PDE4D: variants seen among roughly 807,000 people sequenced by gnomAD.
PDE4D encodes the protein 3',5'-cyclic-AMP phosphodiesterase 4D.
PDE4D carries 24 observed loss-of-function variants against 87.4 expected under a neutral mutation model. That is an observed-to-expected ratio of 0.27 (90% confidence interval 0.20 to 0.39). The LOEUF (loss-of-function observed/expected upper bound fraction) is 0.39, where lower values mean the gene tolerates loss of function less well. Ranked by LOEUF, PDE4D falls within the 10% of genes least tolerant of loss-of-function variation. The pLI is 1.00. For synonymous variants in PDE4D, 384 were observed against 383.2 expected, an observed-to-expected ratio of 1.00 and a Z score of -0.02; for missense variants, 714 against 1,041.0, an observed-to-expected ratio of 0.69 and a Z score of 4.32.
chr5:60,448,887 T>TCCAAATAAATTTA (rs1745863784), intron 1 of PDE4D, among the ~76,000 whole-genome samples: 1 of 152,172 alleles, frequency 6.6e-6, no homozygotes, highest in South Asian at 2.1e-4. Flanking sequence ...TATTTATTTA[T>TCCAAATAAATTTA]GATCCAAATA....
rs145101379 is a variant in PDE4D, at chr5:59,724,928, T to C, written c.455+168240A>G. Among the ~76,000 whole-genome samples the C allele has an allele frequency of 2.3e-3, 352 of 152,262 alleles. 6 individuals carry two copies. Among genetic ancestry groups the C allele is most frequent in the African/African-American group, 8.1e-3 (335 of 41,558 alleles). ...AAAACCTAAGTCAAACATACTTTCA[T>C]TGAACCTGGCTCTGCTTTTCATTTA... On this transcript the variant is annotated intron_variant, in intron 1 of 14. Coordinates refer to ENST00000340635, the MANE Select transcript of PDE4D (RefSeq NM_001104631.2).
At chr5:59,367,737 ATAAC>A (rs1783300586) in intron 1 of PDE4D, among the ~76,000 whole-genome samples, 1 of 152,386 alleles carries the variant, frequency 6.6e-6, no homozygotes, top group East Asian at 1.9e-4. Context: ...TTGCAGAAGC[ATAAC>A]TAGAGAAGAC....
chr5:59,215,721 A>G (rs1751106903), intron 2 of PDE4D, 56 bp downstream of exon 2: 1 of 1,416,330 alleles, frequency 7.1e-7, no homozygotes, highest in Non-Finnish European at 1.0e-6. Context: ...TTATGTCATC[A>G]GCTCTAGATA....
chr5:59,642,324 A>C (rs953777168), intron 1 of PDE4D, among the ~76,000 whole-genome samples: 1 of 152,170 alleles, frequency 6.6e-6, no homozygotes, highest in African/African-American at 2.4e-5. Context: ...TAATAACAAT[A>C]TGTATATATT....
chr5:60,183,190 T>C (rs1784514748), intron 2 of PDE4D, among the ~76,000 whole-genome samples: 1 of 152,210 alleles, frequency 6.6e-6, no homozygotes, highest in South Asian at 2.1e-4. Context: ...TTGGTTGGCA[T>C]TTTGATCTTG....
intron 1 of PDE4D, among the ~76,000 whole-genome samples, chr5:59,708,836 T>A (rs572097872): frequency 6.6e-6 from 1 of 152,186 alleles, no homozygotes; most frequent in African/African-American, 2.4e-5. Context: ...CCACTTCTAC[T>A]TAGGACGTGA....
intron 3 of PDE4D, among the ~76,000 whole-genome samples, chr5:59,964,261 T>C (rs1759769396): frequency 6.6e-6 from 1 of 152,228 alleles, no homozygotes; most frequent in Non-Finnish European, 1.5e-5. Flanking sequence ...ATTATGAGAA[T>C]GAAAAGTTCA....
intron 1 of PDE4D, among the ~76,000 whole-genome samples, chr5:59,424,315 T>C (rs1368803538): frequency 6.6e-6 from 1 of 152,206 alleles, no homozygotes; most frequent in Non-Finnish European, 1.5e-5. Flanking sequence ...TGAAGTTTTG[T>C]TTAAAGTGAA....
At chr5:59,068,562 T>C (rs1764275721) in intron 5 of PDE4D, among the ~76,000 whole-genome samples, 1 of 152,096 alleles carries the variant, frequency 6.6e-6, no homozygotes, top group South Asian at 2.1e-4. Context: ...CAAATGAAAA[T>C]TTTAATCTTA....
intron 2 of PDE4D, among the ~76,000 whole-genome samples, chr5:60,103,639 AT>A (rs1420766571): frequency 2.0e-5 from 3 of 152,234 alleles, no homozygotes; most frequent in Non-Finnish European, 4.4e-5. Flanking sequence ...ATGGAAAAAA[AT>A]AAACCGAAGA....
chr5:59,469,590 T>C (rs1005573089), intron 1 of PDE4D, among the ~76,000 whole-genome samples: 1 of 151,914 alleles, frequency 6.6e-6, no homozygotes, highest in Non-Finnish European at 1.5e-5. Context: ...CTGGAATAGG[T>C]GGGAGAAGGC....
chr5:60,418,898 T>G (rs1742853740), intron 1 of PDE4D, among the ~76,000 whole-genome samples: 3 of 152,034 alleles, frequency 2.0e-5, no homozygotes, highest in Admixed American at 1.3e-4. Context: ...AAGAAACTTG[T>G]AAGTTAATCA....
chr5:59,318,389 G>C (rs1384444392), intron 1 of PDE4D, among the ~76,000 whole-genome samples: 1 of 152,094 alleles, frequency 6.6e-6, no homozygotes, highest in African/African-American at 2.4e-5. Context: ...AAATGGAAAG[G>C]ATATGAGACT....
At chr5:59,012,061 A>T (rs893009241) in intron 6 of PDE4D, among the ~76,000 whole-genome samples, 13 of 152,316 alleles carry the variant, frequency 8.5e-5, no homozygotes, top group African/African-American at 2.9e-4. Flanking sequence ...ACTAAGCTTC[A>T]CAGGTGAAGG....
intron 1 of PDE4D, among the ~76,000 whole-genome samples, chr5:59,525,061 C>T (rs947868704): frequency 2.6e-5 from 4 of 152,208 alleles, no homozygotes; most frequent in African/African-American, 9.6e-5. Flanking sequence ...ACAGAATTCC[C>T]ACTGGGGCAC....
chr5:59,491,179 C>T lies in PDE4D; in HGVS notation c.456-275211G>A, dbSNP rs77061471. ...ATTTTATATTGCCCTGTGCACTTTT[C>T]TCTATGTTTAAAACATCTCATTATT... On this transcript the variant is annotated intron_variant, in intron 1 of 14. Coordinates refer to ENST00000340635, the MANE Select transcript of PDE4D (RefSeq NM_001104631.2). 5.5e-3 allele frequency among the ~76,000 whole-genome samples: 833 copies of T among 152,220 alleles called. 7 individuals are homozygous for T. The highest frequency in any genetic ancestry group is 0.019 in the African/African-American group (807 of 41,548).
chr5:60,150,881 C>T (rs759757151), intron 2 of PDE4D, among the ~76,000 whole-genome samples: 1 of 152,088 alleles, frequency 6.6e-6, no homozygotes, highest in African/African-American at 2.4e-5. Flanking sequence ...TCAGTAAAAA[C>T]GTGGGTATAC....
At chr5:59,494,499 T>A (rs1363144008) in intron 1 of PDE4D, among the ~76,000 whole-genome samples, 2 of 152,106 alleles carry the variant, frequency 1.3e-5, no homozygotes, top group Non-Finnish European at 2.9e-5. Flanking sequence ...ACCTAGAAAT[T>A]TATTTTCTGG....
intron 2 of PDE4D, among the ~76,000 whole-genome samples, chr5:60,164,901 A>G (rs1260512118): frequency 6.6e-6 from 1 of 152,194 alleles, no homozygotes; most frequent in Non-Finnish European, 1.5e-5. Flanking sequence ...GTGGGAGAGC[A>G]TTTAATACCC....
Sources: allele counts gnomAD v4.1 joint callset (sites outside exome capture counted in the v4.1 genomes callset), GRCh38; gene constraint gnomAD v4.1.1; transcripts MANE v1.5; gene names NCBI Gene and HGNC (gene_info 2026-07-23, HGNC 2026-07-21).